Variants in PRIM2 observed in about 807,000 individuals in gnomAD.
PRIM2 encodes DNA primase large subunit.
Under a neutral mutation model 67.3 loss-of-function variants are expected in PRIM2, and 39 were observed. The ratio of observed to expected loss-of-function variants is 0.58; its 90% CI spans 0.45 to 0.76. The LOEUF (loss-of-function observed/expected upper bound fraction) is 0.76. PRIM2 is among the 30% of genes least tolerant of loss of function. PRIM2 has a pLI of 0.00. For missense variants in PRIM2, 398 were observed against 598.7 expected, an observed-to-expected ratio of 0.66 and a Z score of 3.50; for synonymous variants, 143 against 198.7, an observed-to-expected ratio of 0.72 and a Z score of 2.36.
intron 7 of PRIM2, among the ~76,000 whole-genome samples, chr6:57,408,145 C>T (rs1325506752): frequency 1.3e-5 from 2 of 152,108 alleles, no homozygotes; most frequent in Admixed American, 6.5e-5. Context: ...GATATGGCTT[C>T]GATGAGTGGA....
intron 12 of PRIM2, among the ~76,000 whole-genome samples, chr6:57,629,961 C>CTT (rs1407530571): frequency 6.7e-6 from 1 of 148,752 alleles, no homozygotes; most frequent in African/African-American, 2.5e-5. Context: ...AGTTATCTTC[C>CTT]TTTAAAAGAA....
chr6:57,566,006 T>C (rs2127479835), intron 10 of PRIM2, among the ~76,000 whole-genome samples: 1 of 152,302 alleles, frequency 6.6e-6, no homozygotes, highest in East Asian at 1.9e-4. Flanking sequence ...TGTTGTCTCA[T>C]AAATCTTTTA....
intron 5 of PRIM2, among the ~76,000 whole-genome samples, chr6:57,334,080 G>T (rs944894554): frequency 6.6e-6 from 1 of 152,036 alleles, no homozygotes; most frequent in African/African-American, 2.4e-5. Context: ...AACCACCCCA[G>T]CTACTGGTAA....
At chr6:57,331,028 A>T (rs1228380403) in intron 5 of PRIM2, among the ~76,000 whole-genome samples, 1 of 151,924 alleles carries the variant, frequency 6.6e-6, no homozygotes, top group African/African-American at 2.4e-5. Context: ...TAAAAAAAAA[A>T]TACCAAAAAA....
chr6:57,514,403 A>G (rs1185643246), intron 8 of PRIM2, among the ~76,000 whole-genome samples: 175 of 152,200 alleles, frequency 1.1e-3, no homozygotes, highest in Non-Finnish European at 1.8e-3. Context: ...GGTTTAGTAG[A>G]TAGGGGCTTC....
chr6:57,533,793 A>G (rs1378985415), intron 9 of PRIM2, among the ~76,000 whole-genome samples: 3 of 152,232 alleles, frequency 2.0e-5, no homozygotes, highest in Admixed American at 2.0e-4. Flanking sequence ...CCCATCAGTT[A>G]TGTAGCAGCC....
intron 7 of PRIM2, among the ~76,000 whole-genome samples, chr6:57,439,404 GTTTTTTTTTTTT>G (rs149436085): frequency 3.5e-5 from 2 of 57,066 alleles, no homozygotes; most frequent in Non-Finnish European, 6.9e-5. Context: ...GAGGTACTCT[GTTTTTTTTTTTT>G]TTTTTTTTTT....
At chr6:57,397,087 C>T (rs1770540837) in intron 7 of PRIM2, among the ~76,000 whole-genome samples, 1 of 152,170 alleles carries the variant, frequency 6.6e-6, no homozygotes, top group Non-Finnish European at 1.5e-5. Context: ...TTCTGTCTCA[C>T]AGCTCTTAGG....
upstream of PRIM2, chr6:57,314,679 T>G (rs1451511759): frequency 6.6e-6 from 1 of 152,252 alleles, no homozygotes; most frequent in African/African-American, 2.4e-5. Flanking sequence ...TACATGTTTA[T>G]GTATGTTTTC....
intron 7 of PRIM2, among the ~76,000 whole-genome samples, chr6:57,506,201 C>A (rs1774247752): frequency 6.6e-6 from 1 of 151,568 alleles, no homozygotes; most frequent in South Asian, 2.1e-4. Flanking sequence ...GATTAATTGT[C>A]TCACTTTATT....
At chr6:57,385,716 TG>T (rs1770122314) in intron 7 of PRIM2, among the ~76,000 whole-genome samples, 1 of 152,230 alleles carries the variant, frequency 6.6e-6, no homozygotes, top group South Asian at 2.1e-4. Context: ...TTGTTACTTT[TG>T]AAGATTATCA....
chr6:57,580,332 G>C (rs1776058465), intron 10 of PRIM2, among the ~76,000 whole-genome samples: 1 of 152,246 alleles, frequency 6.6e-6, no homozygotes, highest in South Asian at 2.1e-4. Flanking sequence ...GTAGTGTAGG[G>C]GAGAAAAGAT....
At chr6:57,263,054 A>G in the PRIM2 span, among the ~76,000 whole-genome samples, 319 of 152,324 alleles carry the variant, frequency 2.1e-3, 2 homozygotes, top group African/African-American at 7.4e-3. Flanking sequence ...GACTCCTAGT[A>G]CAATATCTGA....
intron 10 of PRIM2, among the ~76,000 whole-genome samples, chr6:57,553,275 G>A (rs1226355954): frequency 6.6e-6 from 1 of 152,124 alleles, no homozygotes; most frequent in African/African-American, 2.4e-5. Context: ...ATTATAATTT[G>A]ATGTCTCTTT....
chr6:57,378,593 A>C (rs9475906), intron 5 of PRIM2, among the ~76,000 whole-genome samples: 1 of 152,158 alleles, frequency 6.6e-6, no homozygotes, highest in Admixed American at 6.5e-5. Context: ...TTGAGGTGTA[A>C]TGTGAAGGTT....
chr6:57,281,907 A>G, the PRIM2 span, among the ~76,000 whole-genome samples: 1 of 152,218 alleles, frequency 6.6e-6, no homozygotes, highest in South Asian at 2.1e-4. Flanking sequence ...CTGATCCAGC[A>G]TTTACTGACA....
chr6:57,476,322 T>C (rs1222061132), intron 7 of PRIM2, among the ~76,000 whole-genome samples: 52 of 152,322 alleles, frequency 3.4e-4, no homozygotes, highest in Non-Finnish European at 1.6e-4. Flanking sequence ...TGCGCAGTGA[T>C]ATCATCCTGT....
the PRIM2 span, among the ~76,000 whole-genome samples, chr6:57,269,938 T>C: frequency 6.6e-6 from 1 of 152,222 alleles, no homozygotes; most frequent in African/African-American, 2.4e-5. Context: ...ATCAGATGGT[T>C]GTAGATATGC....
chr6:57,435,452 G>A (rs1771979443), intron 7 of PRIM2, among the ~76,000 whole-genome samples: 1 of 152,140 alleles, frequency 6.6e-6, no homozygotes, highest in South Asian at 2.1e-4. Context: ...CCAAAACTGT[G>A]CTTACAGTGA....
Sources: gnomAD v4.1 joint callset for allele counts (sites outside exome capture counted in the v4.1 genomes callset) on GRCh38, gnomAD v4.1.1 for gene constraint, MANE v1.5 for transcripts, NCBI Gene and HGNC (gene_info 2026-07-23, HGNC 2026-07-21) for gene names.